The following COL26A1 variants were observed in gnomAD, a reference collection of about 807,000 sequenced individuals.
COL26A1 encodes collagen alpha-1(XXVI) chain.
Under a neutral mutation model 59.3 loss-of-function variants are expected in COL26A1, and 41 were observed. The observed-to-expected ratio is 0.69, with a 90% CI of 0.54 to 0.90. COL26A1 has a LOEUF of 0.90. Ranked by LOEUF, COL26A1 falls within the 40% of genes least tolerant of loss-of-function variation. The pLI, the probability that COL26A1 is intolerant of heterozygous loss-of-function variation, is 0.00. For synonymous variants in COL26A1, 266 were observed against 256.0 expected, an observed-to-expected ratio of 1.04 and a Z score of -0.37; for missense variants, 612 against 602.3, an observed-to-expected ratio of 1.02 and a Z score of -0.17.
At position 101,363,097 on chromosome 7, in the gene COL26A1, G is replaced by T. The variant is rs773647539; in HGVS notation, c.65G>T (p.Gly22Val). The T allele has an allele frequency of 6.4e-7, 1 of 1,564,624 alleles. No homozygotes were observed. Reference sequence around the variant, plus strand: ...CTCTGCGGGTCGGCGCTGGCCACCGGCTTCCTCTATCCCTTCTCGGCCGCA... The same window carrying T: ...CTCTGCGGGTCGGCGCTGGCCACCGTCTTCCTCTATCCCTTCTCGGCCGCA... ...CCLCGSALAT[G>V]FLYPFSAAAL... Residue 22 changes from glycine (G) to valine (V), a missense_variant, in exon 1 of 13, where the codon GGC becomes GTC. Transcript: ENST00000313669.
intron 12 of COL26A1, among the ~76,000 whole-genome samples, chr7:101,556,278 C>T (rs1584512482): frequency 1.3e-5 from 2 of 152,330 alleles, no homozygotes; most frequent in African/African-American, 4.8e-5. Context: ...GCTTCCATTC[C>T]ATGCTGGGGT....
intron 2 of COL26A1, among the ~76,000 whole-genome samples, chr7:101,444,027 A>C (rs1793124796): frequency 6.6e-6 from 1 of 151,828 alleles, no homozygotes; most frequent in African/African-American, 2.4e-5. Context: ...GTGCACAACT[A>C]TGCCGGGCTA....
rs192201114 is a variant in COL26A1, at chr7:101,508,440, G to T, written c.386-24642G>T. 9.3e-4 allele frequency among the ~76,000 whole-genome samples: 141 copies of T among 151,270 alleles called. 1 individual carries two copies. Among genetic ancestry groups the T allele is most frequent in the African/African-American group, 3.3e-3 (136 of 41,010 alleles). On this transcript the variant is annotated intron_variant, in intron 3 of 12. Coordinates refer to ENST00000313669, the MANE Select transcript of COL26A1 (RefSeq NM_001278563.3). ...AGGCTGAGGTGGGAGGATCGCTTGA[G>T]CCCAGGAGTTTGAGGCTGCAGTGAG...
intron 2 of COL26A1, among the ~76,000 whole-genome samples, chr7:101,428,949 G>A (rs1419292975): frequency 7.0e-6 from 1 of 143,492 alleles, no homozygotes; most frequent in African/African-American, 2.5e-5. Context: ...TTCTTGAGAC[G>A]GAGTCTCACT....
chr7:101,415,898 G>T (rs1792360488), intron 1 of COL26A1, among the ~76,000 whole-genome samples: 2 of 151,708 alleles, frequency 1.3e-5, no homozygotes, highest in Admixed American at 6.6e-5. Flanking sequence ...CTTCCAAAGT[G>T]CTGGGATTAT....
intron 3 of COL26A1, among the ~76,000 whole-genome samples, chr7:101,498,922 G>A (rs892476004): frequency 2.0e-5 from 3 of 152,156 alleles, no homozygotes; most frequent in Non-Finnish European, 4.4e-5. Context: ...TCTCAGGCAC[G>A]GCATGTAAGC....
At chr7:101,410,761 G>T (rs893191441) in intron 1 of COL26A1, among the ~76,000 whole-genome samples, 1 of 151,832 alleles carries the variant, frequency 6.6e-6, no homozygotes, top group African/African-American at 2.4e-5. Context: ...GGAATGTCAC[G>T]ATCTCAGTTC....
chr7:101,427,918 G>C (rs1459103978), intron 2 of COL26A1, among the ~76,000 whole-genome samples: 1 of 152,136 alleles, frequency 6.6e-6, no homozygotes, highest in Non-Finnish European at 1.5e-5. Flanking sequence ...AAAGAGAATG[G>C]AGTCTGCTCC....
chr7:101,370,815 T>C (rs530601868), intron 1 of COL26A1, among the ~76,000 whole-genome samples: 1 of 152,288 alleles, frequency 6.6e-6, no homozygotes, highest in African/African-American at 2.4e-5. Flanking sequence ...CCCCCTCTTT[T>C]GGTAGAACCA....
At chr7:101,540,453 G>C (rs1447852107) in intron 5 of COL26A1, among the ~76,000 whole-genome samples, 1 of 150,564 alleles carries the variant, frequency 6.6e-6, no homozygotes, top group East Asian at 1.9e-4. Flanking sequence ...CAGGAGAATC[G>C]CTTGAACCCG....
chr7:101,430,818 G>A (rs943306441), intron 2 of COL26A1, among the ~76,000 whole-genome samples: 3 of 151,508 alleles, frequency 2.0e-5, no homozygotes, highest in East Asian at 1.9e-4. Flanking sequence ...TATTTGAGAC[G>A]GAGTCTCGCT....
chr7:101,487,954 G>T (rs1354558207), intron 3 of COL26A1, among the ~76,000 whole-genome samples: 1 of 152,006 alleles, frequency 6.6e-6, no homozygotes, highest in Non-Finnish European at 1.5e-5. Context: ...CTACTACAGT[G>T]TCTTTTACAT....
chr7:101,557,027 G>C (rs1044796771), intron 12 of COL26A1, among the ~76,000 whole-genome samples: 1 of 141,748 alleles, frequency 7.1e-6, no homozygotes, highest in African/African-American at 2.7e-5. Flanking sequence ...ATGGATGGAT[G>C]GATGGATGGA....
chr7:101,451,987 G>T (rs929170439), intron 3 of COL26A1, among the ~76,000 whole-genome samples: 1 of 152,104 alleles, frequency 6.6e-6, no homozygotes, highest in Non-Finnish European at 1.5e-5. Flanking sequence ...AATTGCAGGC[G>T]TGAGCCACCG....
At chr7:101,501,622 G>T (rs1794708600) in intron 3 of COL26A1, among the ~76,000 whole-genome samples, 1 of 152,118 alleles carries the variant, frequency 6.6e-6, no homozygotes, top group Non-Finnish European at 1.5e-5. Flanking sequence ...TTCTGCCCCA[G>T]GCCTGTATCC....
At chr7:101,440,335 C>A (rs538058357) in intron 2 of COL26A1, among the ~76,000 whole-genome samples, 1 of 152,220 alleles carries the variant, frequency 6.6e-6, no homozygotes, top group Admixed American at 6.5e-5. Flanking sequence ...CACTACACTC[C>A]AGCCGGGGCA....
At chr7:101,469,210 G>A (rs1426696025) in intron 3 of COL26A1, among the ~76,000 whole-genome samples, 1 of 152,116 alleles carries the variant, frequency 6.6e-6, no homozygotes, top group Non-Finnish European at 1.5e-5. Context: ...AAATTCTGGG[G>A]GTCTCTCTCT....
intron 3 of COL26A1, among the ~76,000 whole-genome samples, chr7:101,514,063 C>T (rs1044596186): frequency 3.9e-5 from 6 of 152,122 alleles, no homozygotes; most frequent in Middle Eastern, 6.8e-3. Context: ...AGGCTCGGCA[C>T]GGTGGCTCAC....
intron 3 of COL26A1, among the ~76,000 whole-genome samples, chr7:101,466,768 GAGAA>G (rs1562994938): frequency 6.6e-6 from 1 of 150,964 alleles, no homozygotes; most frequent in East Asian, 2.0e-4. Context: ...GGACTGAGAT[GAGAA>G]TGCTAAGACC....
Sources: allele counts gnomAD v4.1 joint callset (sites outside exome capture counted in the v4.1 genomes callset), GRCh38; gene constraint gnomAD v4.1.1; transcripts MANE v1.5; gene names NCBI Gene and HGNC (gene_info 2026-07-23, HGNC 2026-07-21).